Variants in MYO9A observed in about 807,000 individuals in gnomAD.
The protein encoded by MYO9A is unconventional myosin-IXa.
A neutral mutation model predicts 293.3 loss-of-function variants in MYO9A; 103 were observed. That is an observed-to-expected ratio of 0.35 (90% CI 0.30 to 0.41). The LOEUF (loss-of-function observed/expected upper bound fraction) is 0.41. Among genes scored for constraint, MYO9A ranks in the 10% least tolerant of loss-of-function variants. MYO9A has a pLI of 1.00. For synonymous variants in MYO9A, 1,001 were observed against 1,035.7 expected, an observed-to-expected ratio of 0.97 and a Z score of 0.64; for missense variants, 2,685 against 3,033.0, an observed-to-expected ratio of 0.89 and a Z score of 2.69.
chr15:71,972,152 C>G (rs997164209), intron 12 of MYO9A: 3 of 152,110 alleles, frequency 2.0e-5, no homozygotes, highest in Non-Finnish European at 4.4e-5. Flanking sequence ...TACACAGGGT[C>G]AATAGTGCCT....
intron 10 of MYO9A, among the ~76,000 whole-genome samples, chr15:71,992,429 A>G (rs997801121): frequency 4.3e-4 from 66 of 152,356 alleles, no homozygotes; most frequent in African/African-American, 1.6e-3. Context: ...GCAAACTGAT[A>G]TGATGAATGA....
chr15:72,086,643 G>C (rs1596541372), intron 1 of MYO9A, among the ~76,000 whole-genome samples: 1 of 152,072 alleles, frequency 6.6e-6, no homozygotes, highest in East Asian at 1.9e-4. Flanking sequence ...ATGTGTGTTG[G>C]GGGGGCCGGG....
intron 15 of MYO9A, among the ~76,000 whole-genome samples, chr15:71,942,067 A>C (rs2058791536): frequency 6.6e-6 from 1 of 152,094 alleles, no homozygotes; most frequent in African/African-American, 2.4e-5. Context: ...ACAATTATAT[A>C]CATTATATAT....
At chr15:71,890,008 A>G (rs912463108) in intron 26 of MYO9A, 4 of 152,236 alleles carry the variant, frequency 2.6e-5, no homozygotes, top group African/African-American at 9.6e-5. Flanking sequence ...TCTACCACGC[A>G]AGACCAACCT....
chr15:71,923,049 A>T (rs115570549), intron 18 of MYO9A, among the ~76,000 whole-genome samples: 13 of 152,238 alleles, frequency 8.5e-5, no homozygotes, highest in African/African-American at 3.1e-4. Flanking sequence ...ATGTTGAGGT[A>T]CATCTGTTCT....
intron 39 of MYO9A, among the ~76,000 whole-genome samples, chr15:71,836,844 C>T (rs1315604190): frequency 6.6e-6 from 1 of 151,914 alleles, no homozygotes; most frequent in Non-Finnish European, 1.5e-5. Flanking sequence ...TTACTGCTTA[C>T]CTTTGGAGGA....
At chr15:72,096,313 G>A (rs1596560341) in intron 1 of MYO9A, among the ~76,000 whole-genome samples, 1 of 152,258 alleles carries the variant, frequency 6.6e-6, no homozygotes, top group East Asian at 1.9e-4. Context: ...ACTCCGGCCT[G>A]GGCAACAGTG....
rs577717399 is a variant in MYO9A at position 72,018,382 on chromosome 15, C to T, written c.1155+657G>A. On this transcript the variant is annotated intron_variant, in intron 6 of 41. Transcript: ENST00000356056. The stretch of plus-strand genomic sequence containing the variant: ...ACTTGGGAGGCTGAGGCATGAGAAT[C>T]GCTAGAACCCAGGAGATGGAGGTTG... Among the ~76,000 whole-genome samples the T allele has an allele frequency of 4.6e-5, 7 of 152,146 alleles. No individual in the cohort carries two copies. The South Asian group carries it at 1.2e-3, about 27-fold the overall frequency.
chr15:71,856,748 A>C (rs1006652682), intron 34 of MYO9A, among the ~76,000 whole-genome samples: 1 of 152,208 alleles, frequency 6.6e-6, no homozygotes, highest in Non-Finnish European at 1.5e-5. Flanking sequence ...AAATTATCTT[A>C]ATATCACACA....
intron 25 of MYO9A, among the ~76,000 whole-genome samples, chr15:71,895,347 T>A (rs1168402783): frequency 6.6e-6 from 1 of 152,234 alleles, no homozygotes; most frequent in Non-Finnish European, 1.5e-5. Flanking sequence ...GACTTCACCA[T>A]GAATTCTTTT....
Position 72,062,058 on chromosome 15 carries a change from C to G in MYO9A, c.-71-15424G>C, listed in dbSNP as rs544762171. On this transcript the variant is annotated intron_variant, in intron 1 of 41. Coordinates refer to ENST00000356056, the MANE Select transcript of MYO9A (RefSeq NM_006901.4). The stretch of plus-strand genomic sequence containing the variant: ...GAACAAGAGATTCTGCCTGGTAATA[C>G]AGAGAATTCTGCCAGAACTAACCCA... Among the ~76,000 whole-genome samples, 4 of 152,286 alleles carry G rather than the reference C, an allele frequency of 2.6e-5. No homozygotes were observed. In the South Asian group the frequency reaches 8.3e-4, roughly 32 times the overall value.
At chr15:72,006,585 A>G (rs1390514693) in intron 8 of MYO9A, among the ~76,000 whole-genome samples, 2 of 152,162 alleles carry the variant, frequency 1.3e-5, no homozygotes, top group Non-Finnish European at 2.9e-5. Context: ...CGGCAGTGAA[A>G]CTATTCTGTA....
At chr15:71,848,996 T>C in intron 38 of MYO9A, 28 bp from the exon 39 acceptor site, 1 of 1,559,178 alleles carries the variant, frequency 6.4e-7, no homozygotes, top group Non-Finnish European at 8.6e-7. Context: ...AGAAAAAAAC[T>C]GTTAAGAGGT....
rs766452921 is a variant in MYO9A, at chr15:71,897,870, G to A, written c.4633C>T (p.Pro1545Ser). ...KPRIGECLVA[P>S]SSYQSKQRVE... ...CTTTGCTTTGACTGATAGGAAGATG[G>A]TGCCACCAAACACTCTCCAATTCTT... The change falls in exon 25 of 42, where the codon CCA (proline) becomes TCA (serine). Residue 1545 changes from proline to serine, a missense_variant. This residue lies in a region of MYO9A where 1,434 missense variants were observed against 1,497.7 expected (regional missense o/e 0.96). Coordinates refer to ENST00000356056, the MANE Select transcript of MYO9A (RefSeq NM_006901.4). 1 of 1,614,076 alleles carries A rather than the reference G, an allele frequency of 6.2e-7. No individual in the cohort carries two copies. Among genetic ancestry groups the A allele is most frequent in the African/African-American group, 1.3e-5 (1 of 75,024 alleles).
intron 19 of MYO9A, among the ~76,000 whole-genome samples, chr15:71,909,076 A>G (rs1182697928): frequency 1.3e-5 from 2 of 152,134 alleles, no homozygotes; most frequent in African/African-American, 4.8e-5. Flanking sequence ...AAGCCTTTTC[A>G]TGGCTTGAAA....
chr15:72,096,794 T>G (rs1359893251), intron 1 of MYO9A, among the ~76,000 whole-genome samples: 1 of 152,190 alleles, frequency 6.6e-6, no homozygotes. Flanking sequence ...CAACATAACA[T>G]TAACAGGAGT....
Position 71,847,021 on chromosome 15 carries a change from TAGTA to T in MYO9A, c.6837+1820_6837+1823del, listed in dbSNP as rs1214443476. 7.9e-5 allele frequency among the ~76,000 whole-genome samples: 12 copies of T among 152,166 alleles called. No homozygotes were observed. The South Asian group carries it at 1.0e-3, about 13-fold the overall frequency. On this transcript the variant is annotated intron_variant, in intron 39 of 41. Transcript: ENST00000356056. ...TAATGATAGGAGATGCTGAAAGTAA[TAGTA>T]AGTATTTCAAATAATAAAGTGGAGG...
chr15:71,959,216 A>G (rs1195092562), intron 14 of MYO9A: 1 of 152,244 alleles, frequency 6.6e-6, no homozygotes, highest in African/African-American at 2.4e-5. Flanking sequence ...AATGGAAACT[A>G]GGTTCAATTA....
At chr15:71,897,097 T>C (rs2057352743) in intron 25 of MYO9A, 1 of 184,946 alleles carries the variant, frequency 5.4e-6, no homozygotes, top group Non-Finnish European at 1.1e-5. Context: ...CAAAACAAAT[T>C]AACTTCTTTA....
Sources: gnomAD v4.1 joint callset for allele counts (sites outside exome capture counted in the v4.1 genomes callset) on GRCh38, gnomAD v4.1.1 for gene constraint, gnomAD v4.1.1 regional missense constraint, MANE v1.5 for transcripts, NCBI Gene and HGNC (gene_info 2026-07-23, HGNC 2026-07-21) for gene names.